SLC24A2: variants seen among roughly 807,000 people sequenced by gnomAD.
SLC24A2 encodes sodium/potassium/calcium exchanger 2.
A neutral mutation model predicts 62.0 loss-of-function variants in SLC24A2; 36 were observed. The ratio of observed to expected loss-of-function variants is 0.58; its 90% CI spans 0.44 to 0.77. The LOEUF (loss-of-function observed/expected upper bound fraction) is 0.77, where lower values mean the gene tolerates loss of function less well. Among genes scored for constraint, SLC24A2 ranks in the 30% least tolerant of loss-of-function variants. SLC24A2 has a pLI of 0.00. For synonymous variants in SLC24A2, 358 were observed against 294.0 expected (o/e 1.22, Z -2.23); for missense variants, 846 against 817.9 (o/e 1.03, Z -0.42).
the SLC24A2 span, among the ~76,000 whole-genome samples, chr9:20,164,298 C>T: frequency 1.3e-5 from 2 of 151,748 alleles, no homozygotes; most frequent in Admixed American, 6.6e-5. Context: ...AAAAAACAAA[C>T]AACCCCATCA....
intron 2 of SLC24A2, among the ~76,000 whole-genome samples, chr9:19,743,122 TACA>T (rs376588472): frequency 1.5e-4 from 23 of 152,306 alleles, no homozygotes; most frequent in African/African-American, 5.3e-4. Context: ...ACAACTATCT[TACA>T]AGACAACAGC....
At chr9:20,088,815 C>G in the SLC24A2 span, among the ~76,000 whole-genome samples, 2 of 151,700 alleles carry the variant, frequency 1.3e-5, no homozygotes, top group South Asian at 2.1e-4. Flanking sequence ...GGGCCAGCAA[C>G]AAGTCTGTAA....
chr9:19,813,225 A>G, the SLC24A2 span, among the ~76,000 whole-genome samples: 1 of 151,662 alleles, frequency 6.6e-6, no homozygotes, highest in Admixed American at 6.6e-5. Flanking sequence ...TGGAATCTCA[A>G]TCACCTCTTG....
chr9:19,567,033 C>T (rs895344794), intron 7 of SLC24A2, among the ~76,000 whole-genome samples: 2 of 151,920 alleles, frequency 1.3e-5, no homozygotes, highest in Admixed American at 1.3e-4. Flanking sequence ...GGCTGCGGCA[C>T]ACCAACATGG....
At chr9:20,307,372 T>C in the SLC24A2 span, among the ~76,000 whole-genome samples, 4 of 152,238 alleles carry the variant, frequency 2.6e-5, no homozygotes, top group African/African-American at 9.6e-5. Flanking sequence ...ACTTCTTCAC[T>C]CTGTGATTAG....
At chr9:19,647,624 G>A (rs988608078) in intron 2 of SLC24A2, among the ~76,000 whole-genome samples, 1 of 152,182 alleles carries the variant, frequency 6.6e-6, no homozygotes, top group South Asian at 2.1e-4. Context: ...ACAGATACAA[G>A]AGAAGAACAT....
chr9:19,667,428 T>A lies in SLC24A2; in HGVS notation c.931-45129A>T, dbSNP rs1385385446. 2.6e-5 allele frequency among the ~76,000 whole-genome samples: 4 copies of A among 152,210 alleles called. No homozygotes were observed. The East Asian group carries it at 7.7e-4, about 29-fold the overall frequency. On this transcript the variant is annotated intron_variant, in intron 2 of 10. Coordinates refer to ENST00000341998, the MANE Select transcript of SLC24A2 (RefSeq NM_020344.4). ...AACACTTTCATTCTTATTGCCCAGG[T>A]CTGACTGGTCATTGCATCCTGGTAG...
intron 2 of SLC24A2, among the ~76,000 whole-genome samples, chr9:19,771,357 C>T (rs1380717357): frequency 6.6e-6 from 1 of 152,198 alleles, no homozygotes; most frequent in Non-Finnish European, 1.5e-5. Flanking sequence ...CATTAACACG[C>T]CAAAACATAT....
chr9:19,925,874 A>G, the SLC24A2 span, among the ~76,000 whole-genome samples: 1 of 152,212 alleles, frequency 6.6e-6, no homozygotes, highest in Non-Finnish European at 1.5e-5. Flanking sequence ...CGTGTGCTAC[A>G]CACGTGAATC....
intron 2 of SLC24A2, among the ~76,000 whole-genome samples, chr9:19,643,867 A>C (rs1395086655): frequency 6.6e-6 from 1 of 152,258 alleles, no homozygotes; most frequent in African/African-American, 2.4e-5. Flanking sequence ...TTTAATCCAC[A>C]GATTCAATAG....
the SLC24A2 span, among the ~76,000 whole-genome samples, chr9:20,302,393 T>G: frequency 3.7e-4 from 57 of 152,334 alleles, no homozygotes; most frequent in East Asian, 5.4e-3. Flanking sequence ...TTGTCAGCAT[T>G]TAGTGTTGTC....
chr9:20,207,934 C>G, the SLC24A2 span, among the ~76,000 whole-genome samples: 1 of 152,168 alleles, frequency 6.6e-6, no homozygotes, highest in Non-Finnish European at 1.5e-5. Flanking sequence ...AGAGGAGAAG[C>G]ACATTCCTTC....
the SLC24A2 span, among the ~76,000 whole-genome samples, chr9:19,828,967 C>T: frequency 6.6e-6 from 1 of 152,134 alleles, no homozygotes; most frequent in African/African-American, 2.4e-5. Flanking sequence ...AATGGACACC[C>T]TGCAGCCCTC....
At chr9:19,603,513 C>A (rs1429669157) in intron 4 of SLC24A2, among the ~76,000 whole-genome samples, 2 of 151,718 alleles carry the variant, frequency 1.3e-5, no homozygotes, top group African/African-American at 4.9e-5. Flanking sequence ...GGGAGGGGGG[C>A]ACTAAGGTGA....
chr9:19,777,653 AAATTT>A (rs1276493187), intron 2 of SLC24A2, among the ~76,000 whole-genome samples: 1 of 152,144 alleles, frequency 6.6e-6, no homozygotes, highest in Admixed American at 6.5e-5. Context: ...GGTAAATATA[AAATTT>A]TGTATGTCCA....
chr9:19,843,924 G>A, the SLC24A2 span, among the ~76,000 whole-genome samples: 4 of 152,172 alleles, frequency 2.6e-5, no homozygotes, highest in African/African-American at 9.7e-5. Context: ...CCAGTCCACT[G>A]TTGGTGGGCA....
chr9:19,836,390 G>C, the SLC24A2 span, among the ~76,000 whole-genome samples: 1 of 152,068 alleles, frequency 6.6e-6, no homozygotes, highest in Admixed American at 6.6e-5. Context: ...AAATGACAAA[G>C]GGGATACCAC....
the SLC24A2 span, among the ~76,000 whole-genome samples, chr9:19,873,461 CTTTT>C: frequency 1.5e-5 from 2 of 133,240 alleles, no homozygotes; most frequent in Non-Finnish European, 3.1e-5. Flanking sequence ...TTCTTTCTTT[CTTTT>C]TCTTTCTCTC....
chr9:19,557,458 T>C lies in SLC24A2; in HGVS notation c.1348-7190A>G, dbSNP rs184128123. Reference sequence around the variant, plus strand: ...AGGGCGAGAAGTAGGTACAAAATAATACAAGGGAGTTTATCTGAATAGCTT... The same window carrying C: ...AGGGCGAGAAGTAGGTACAAAATAACACAAGGGAGTTTATCTGAATAGCTT... On this transcript the variant is annotated intron_variant, in intron 7 of 10. Transcript: ENST00000341998. Among the ~76,000 whole-genome samples the C allele has an allele frequency of 2.0e-5, 3 of 152,294 alleles. 1 individual carries two copies. In the East Asian group the frequency reaches 5.8e-4, roughly 29 times the overall value.
Sources: allele counts gnomAD v4.1 joint callset (sites outside exome capture counted in the v4.1 genomes callset), GRCh38; gene constraint gnomAD v4.1.1; transcripts MANE v1.5; gene names NCBI Gene and HGNC (gene_info 2026-07-23, HGNC 2026-07-21).